The following TDRP variants were observed in gnomAD, a reference collection of about 807,000 sequenced individuals.
TDRP encodes the protein testis development-related protein.
TDRP carries 12 observed loss-of-function variants against 10.5 expected under a neutral mutation model. That is an observed-to-expected ratio of 1.15 (90% CI 0.73 to 1.86). The LOEUF is 1.86. Ranked by LOEUF, TDRP falls within the 40% of genes most tolerant of loss-of-function variation. The pLI, the probability that TDRP is intolerant of heterozygous loss-of-function variation, is 0.00. For missense variants in TDRP, 353 were observed against 229.2 expected (o/e 1.54, Z -3.49); for synonymous variants, 139 against 95.4 (o/e 1.46, Z -2.67).
At chr8:509,635 GGGCCTCCA>G (rs1801557334) in intron 1 of TDRP, among the ~76,000 whole-genome samples, 1 of 151,988 alleles carries the variant, frequency 6.6e-6, no homozygotes, top group Non-Finnish European at 1.5e-5. Flanking sequence ...TTTTTCCTCC[GGGCCTCCA>G]GGCCTGTGAT....
intron 1 of TDRP, among the ~76,000 whole-genome samples, chr8:513,144 T>C (rs1444181871): frequency 6.6e-6 from 1 of 151,900 alleles, no homozygotes; most frequent in Non-Finnish European, 1.5e-5. Context: ...AGGAACATTT[T>C]CTAACTCATT....
At chr8:539,610 C>A (rs899615984) in intron 1 of TDRP, among the ~76,000 whole-genome samples, 9 of 152,142 alleles carry the variant, frequency 5.9e-5, no homozygotes, top group Admixed American at 2.6e-4. Context: ...CTTAAGAAAA[C>A]AGCTTTATTT....
chr8:533,807 T>C (rs1802273335), intron 1 of TDRP, among the ~76,000 whole-genome samples: 1 of 152,168 alleles, frequency 6.6e-6, no homozygotes, highest in Non-Finnish European at 1.5e-5. Context: ...GGTAGGCAGA[T>C]GTACACCGGT....
At chr8:541,856 AAAACT>A (rs1802503182) in intron 1 of TDRP, among the ~76,000 whole-genome samples, 1 of 152,202 alleles carries the variant, frequency 6.6e-6, no homozygotes, top group Admixed American at 6.5e-5. Flanking sequence ...GGTTTCTTAT[AAAACT>A]AAACACTCTC....
At chr8:530,494 T>G (rs1376445828) in intron 1 of TDRP, among the ~76,000 whole-genome samples, 2 of 152,156 alleles carry the variant, frequency 1.3e-5, no homozygotes, top group Non-Finnish European at 2.9e-5. Context: ...ACTGGCTTGG[T>G]ACAGGAGAAG....
intron 1 of TDRP, among the ~76,000 whole-genome samples, chr8:535,901 C>G (rs1802337667): frequency 6.6e-6 from 1 of 151,880 alleles, no homozygotes; most frequent in Non-Finnish European, 1.5e-5. Flanking sequence ...GCTGAGCAAG[C>G]TGGGCTCCAC....
chr8:523,179 T>A (rs1386520147), intron 1 of TDRP, among the ~76,000 whole-genome samples: 1 of 152,210 alleles, frequency 6.6e-6, no homozygotes, highest in Non-Finnish European at 1.5e-5. Flanking sequence ...CCCTAGGCAT[T>A]TTCTTTCTGG....
rs1800936528 is a variant in TDRP at position 490,422 on chromosome 8, T to C, written c.*1977A>G. 6.6e-6 allele frequency: 1 copy of C among 152,242 alleles called. No homozygotes were observed. Among genetic ancestry groups the C allele is most frequent in the South Asian group, 2.1e-4 (1 of 4,834 alleles). The allele number at this position is 152,242 out of a possible 1,614,324, so 9.4% of individuals were successfully genotyped here. On this transcript the variant is annotated 3_prime_UTR_variant, in exon 3 of 3. Coordinates refer to ENST00000324079, the MANE Select transcript of TDRP (RefSeq NM_001384899.1). ...TATGATTGACGTGAGTTGCAGGCACTTAGCGTTCCAACAGAGGCACGGCAA... is the reference window on the plus strand; with the variant it reads ...TATGATTGACGTGAGTTGCAGGCACCTAGCGTTCCAACAGAGGCACGGCAA...
At chr8:539,481 A>G (rs1802434654) in intron 1 of TDRP, among the ~76,000 whole-genome samples, 2 of 152,194 alleles carry the variant, frequency 1.3e-5, no homozygotes, top group Non-Finnish European at 2.9e-5. Flanking sequence ...ACTGTATAAC[A>G]TTTAACACAC....
At chr8:539,328 G>A (rs1192712665) in intron 1 of TDRP, among the ~76,000 whole-genome samples, 1 of 152,150 alleles carries the variant, frequency 6.6e-6, no homozygotes, top group Non-Finnish European at 1.5e-5. Flanking sequence ...AGTGGCCTCT[G>A]CAAACCAGGA....
At chr8:493,179 A>C (rs1444922660) in intron 2 of TDRP, among the ~76,000 whole-genome samples, 4 of 152,210 alleles carry the variant, frequency 2.6e-5, no homozygotes, top group Admixed American at 6.5e-5. Flanking sequence ...TTTAGTAGGT[A>C]ATTTACTCAA....
intron 1 of TDRP, among the ~76,000 whole-genome samples, chr8:517,885 C>A (rs1433246273): frequency 6.6e-6 from 1 of 152,160 alleles, no homozygotes; most frequent in African/African-American, 2.4e-5. Context: ...GTAATTACAA[C>A]CAAATGACAT....
At chr8:507,495 T>A (rs1311395027) in intron 1 of TDRP, among the ~76,000 whole-genome samples, 1 of 152,108 alleles carries the variant, frequency 6.6e-6, no homozygotes, top group Non-Finnish European at 1.5e-5. Flanking sequence ...TTTTAAACCA[T>A]ACAGCAATCA....
intron 1 of TDRP, among the ~76,000 whole-genome samples, chr8:533,051 G>C (rs918547355): frequency 6.6e-6 from 1 of 152,174 alleles, no homozygotes; most frequent in Non-Finnish European, 1.5e-5. Context: ...ATGAGTACCA[G>C]CGCTGGGACC....
rs570996426 is a variant in TDRP, at chr8:542,407, G to C, written c.108+2243C>G. ...ATGAGCCCGTGTAGGTCCACAGATT[G>C]TAACAAACGCACCATTCTGTGGGGG... On this transcript the variant is annotated intron_variant, in intron 1 of 2. Coordinates refer to ENST00000324079, the MANE Select transcript of TDRP (RefSeq NM_001384899.1). Among the ~76,000 whole-genome samples the C allele has an allele frequency of 3.9e-5, 6 of 152,008 alleles. No homozygotes were observed. The South Asian group carries it at 1.2e-3, about 32-fold the overall frequency.
At chr8:522,556 T>G in intron 1 of TDRP, among the ~76,000 whole-genome samples, 1 of 152,210 alleles carries the variant, frequency 6.6e-6, no homozygotes, top group East Asian at 1.9e-4. Context: ...ATGTAATGCA[T>G]GTCTTAATTA....
intron 2 of TDRP, among the ~76,000 whole-genome samples, chr8:493,304 G>T (rs1393938225): frequency 6.6e-6 from 1 of 152,216 alleles, no homozygotes; most frequent in Admixed American, 6.5e-5. Context: ...AGCATCACCT[G>T]GGAACATTGT....
At chr8:509,935 G>A (rs889041817) in intron 1 of TDRP, among the ~76,000 whole-genome samples, 1 of 152,142 alleles carries the variant, frequency 6.6e-6, no homozygotes, top group Non-Finnish European at 1.5e-5. Flanking sequence ...GAACTGCTTG[G>A]GGCAAACCTG....
intron 1 of TDRP, among the ~76,000 whole-genome samples, chr8:514,726 T>C (rs1193264090): frequency 1.5e-4 from 23 of 152,134 alleles, no homozygotes; most frequent in Admixed American, 1.5e-3. Flanking sequence ...CCTGGGACAC[T>C]GGGAAATGTC....
Sources: gnomAD v4.1 joint callset for allele counts (sites outside exome capture counted in the v4.1 genomes callset) on GRCh38, gnomAD v4.1.1 for gene constraint, MANE v1.5 for transcripts, NCBI Gene and HGNC (gene_info 2026-07-23, HGNC 2026-07-21) for gene names.